Variants in NCKAP5 observed in about 807,000 individuals in gnomAD.
NCKAP5 encodes nck-associated protein 5.
In NCKAP5, 92 loss-of-function variants were observed where a neutral mutation model predicts 167.0. The observed-to-expected ratio is 0.55, with a 90% CI of 0.47 to 0.66. The LOEUF is 0.66. Ranked by LOEUF, NCKAP5 falls within the 30% of genes least tolerant of loss-of-function variation. The pLI, the probability that NCKAP5 is intolerant of heterozygous loss-of-function variation, is 0.00. For synonymous variants in NCKAP5, 891 were observed against 877.4 expected, an observed-to-expected ratio of 1.02 and a Z score of -0.27; for missense variants, 2,378 against 2,315.0, an observed-to-expected ratio of 1.03 and a Z score of -0.56.
chr2:133,023,476 G>C (rs1392985825), intron 6 of NCKAP5, among the ~76,000 whole-genome samples: 1 of 152,000 alleles, frequency 6.6e-6, no homozygotes, highest in East Asian at 1.9e-4. Flanking sequence ...TTAGATTTAG[G>C]GGGTACATGT....
intron 3 of NCKAP5, among the ~76,000 whole-genome samples, chr2:133,488,174 T>C (rs763607688): frequency 6.6e-6 from 1 of 152,250 alleles, no homozygotes; most frequent in Non-Finnish European, 1.5e-5. Context: ...TATTATCTAT[T>C]ATTATTGTTA....
At chr2:133,263,864 G>A (rs1559331408) in intron 4 of NCKAP5, among the ~76,000 whole-genome samples, 1 of 152,082 alleles carries the variant, frequency 6.6e-6, no homozygotes, top group Non-Finnish European at 1.5e-5. Context: ...ACAGAAAATT[G>A]CTTCATTTCT....
intron 6 of NCKAP5, among the ~76,000 whole-genome samples, chr2:133,127,323 G>T (rs909093443): frequency 1.4e-4 from 21 of 152,184 alleles, no homozygotes; most frequent in South Asian, 4.1e-4. Context: ...GTAATTATCT[G>T]TTACATATGC....
intron 4 of NCKAP5, among the ~76,000 whole-genome samples, chr2:133,233,045 C>T (rs1170732942): frequency 1.3e-5 from 2 of 152,202 alleles, no homozygotes; most frequent in Non-Finnish European, 2.9e-5. Flanking sequence ...TATGTGAGTC[C>T]AAGAATGGAT....
intron 6 of NCKAP5, among the ~76,000 whole-genome samples, chr2:133,055,179 C>T (rs937817522): frequency 1.3e-5 from 2 of 151,980 alleles, no homozygotes; most frequent in Non-Finnish European, 2.9e-5. Context: ...TACTAGTATA[C>T]TGATCCAAGA....
intron 8 of NCKAP5, among the ~76,000 whole-genome samples, chr2:132,895,135 T>C (rs1208230969): frequency 2.6e-5 from 4 of 151,882 alleles, no homozygotes; most frequent in Non-Finnish European, 5.9e-5. Context: ...ATGGAGACCT[T>C]CCTGGCTAAC....
chr2:133,085,680 G>A (rs1394359384), intron 6 of NCKAP5, among the ~76,000 whole-genome samples: 1 of 152,140 alleles, frequency 6.6e-6, no homozygotes, highest in Non-Finnish European at 1.5e-5. Flanking sequence ...TAGAGCATGT[G>A]TTATAGGTCC....
At chr2:132,740,946 T>C (rs1679130651) in intron 16 of NCKAP5, among the ~76,000 whole-genome samples, 2 of 152,092 alleles carry the variant, frequency 1.3e-5, no homozygotes, top group South Asian at 2.1e-4. Context: ...TCAGGCTAAG[T>C]TGGTATCCAG....
intron 19 of NCKAP5, among the ~76,000 whole-genome samples, chr2:132,720,288 G>A (rs573524984): frequency 9.2e-5 from 14 of 152,320 alleles, no homozygotes; most frequent in Middle Eastern, 3.4e-3. Context: ...CACCCACTGG[G>A]CCACCTATCC....
the NCKAP5 span, among the ~76,000 whole-genome samples, chr2:133,649,617 A>T: frequency 2.0e-5 from 3 of 152,158 alleles, no homozygotes; most frequent in African/African-American, 7.2e-5. Context: ...ACACCACATT[A>T]ACAGAATAAA....
intron 3 of NCKAP5, among the ~76,000 whole-genome samples, chr2:133,509,081 C>T (rs1030331191): frequency 2.0e-5 from 3 of 152,162 alleles, no homozygotes; most frequent in African/African-American, 7.2e-5. Flanking sequence ...TGCTCCATGA[C>T]TCCAGCAAGG....
intron 3 of NCKAP5, among the ~76,000 whole-genome samples, chr2:133,416,665 A>G (rs557354250): frequency 1.2e-3 from 190 of 152,298 alleles, no homozygotes; most frequent in Non-Finnish European, 1.5e-3. Flanking sequence ...GCAAAAAAAA[A>G]AAAAAGTTAG....
intron 4 of NCKAP5, among the ~76,000 whole-genome samples, chr2:133,282,844 A>G (rs754435173): frequency 1.2e-4 from 18 of 152,202 alleles, no homozygotes; most frequent in Non-Finnish European, 2.4e-4. Flanking sequence ...GACTAATGAC[A>G]TGGTTCATTC....
chr2:132,733,143 C>T (rs544891247), intron 16 of NCKAP5, among the ~76,000 whole-genome samples: 3 of 152,278 alleles, frequency 2.0e-5, no homozygotes, highest in East Asian at 1.9e-4. Context: ...AAAATTACCA[C>T]GTCATTTCTG....
intron 11 of NCKAP5, among the ~76,000 whole-genome samples, chr2:132,857,606 C>T (rs1414438197): frequency 6.6e-6 from 1 of 152,158 alleles, no homozygotes; most frequent in Non-Finnish European, 1.5e-5. Flanking sequence ...TCTGTAAGAA[C>T]ATTACTTTTG....
At chr2:133,247,884 A>G (rs2088085524) in intron 4 of NCKAP5, among the ~76,000 whole-genome samples, 1 of 152,112 alleles carries the variant, frequency 6.6e-6, no homozygotes. Flanking sequence ...ACCCTAAAGT[A>G]TTTTCATATG....
the NCKAP5 span, among the ~76,000 whole-genome samples, chr2:133,649,954 C>A: frequency 1.3e-5 from 2 of 151,688 alleles, no homozygotes; most frequent in African/African-American, 4.8e-5. Flanking sequence ...TATTGGAAAG[C>A]CTAAAGACTC....
rs148505243 is a variant in NCKAP5, at chr2:132,796,821, A to G, written c.808-92T>C. On this transcript the variant is annotated intron_variant, in intron 11 of 19. Transcript: ENST00000409261. ...GGACAGTTAAATCTCAAAAGACTTG[A>G]CATTTCCAGATTAGATAATACATGT... 591 of 866,976 alleles carry G rather than the reference A, an allele frequency of 6.8e-4. 3 individuals are homozygous for G. In the African/African-American group the frequency reaches 9.2e-3, roughly 13 times the overall value. 53.7% of individuals were successfully genotyped at this position (866,976 alleles called of 1,614,324 possible).
At chr2:132,962,524 G>A (rs909911510) in intron 8 of NCKAP5, among the ~76,000 whole-genome samples, 1 of 152,186 alleles carries the variant, frequency 6.6e-6, no homozygotes, top group South Asian at 2.1e-4. Flanking sequence ...TATAGACAAT[G>A]TGGTAGATCT....
Sources: gnomAD v4.1 joint callset for allele counts (sites outside exome capture counted in the v4.1 genomes callset) on GRCh38, gnomAD v4.1.1 for gene constraint, MANE v1.5 for transcripts, NCBI Gene and HGNC (gene_info 2026-07-23, HGNC 2026-07-21) for gene names.